The following GRM1 variants were observed in gnomAD, a reference collection of about 807,000 sequenced individuals.
GRM1 encodes metabotropic glutamate receptor 1.
In GRM1, 33 loss-of-function variants were observed where a neutral mutation model predicts 90.9. The observed-to-expected ratio is 0.36, with a 90% CI of 0.28 to 0.49. The LOEUF is 0.49. GRM1 is among the 20% of genes least tolerant of loss of function. GRM1 has a pLI of 0.99. For missense variants in GRM1, 1,190 were observed against 1,534.3 expected (o/e 0.78, Z 3.75); for synonymous variants, 700 against 613.2 (o/e 1.14, Z -2.09).
At chr6:146,080,592 C>T (rs1477548210) in intron 1 of GRM1, among the ~76,000 whole-genome samples, 4 of 152,078 alleles carry the variant, frequency 2.6e-5, no homozygotes, top group Admixed American at 2.6e-4. Context: ...ACCCTAGTTC[C>T]CTGGTCAGAG....
intron 1 of GRM1, among the ~76,000 whole-genome samples, chr6:146,037,814 A>G (rs1790946062): frequency 6.6e-6 from 1 of 152,006 alleles, no homozygotes; most frequent in Non-Finnish European, 1.5e-5. Context: ...TTTTATTTAT[A>G]AATTTTTAAA....
chr6:146,386,423 C>T (rs957217283), intron 5 of GRM1, among the ~76,000 whole-genome samples: 1 of 151,968 alleles, frequency 6.6e-6, no homozygotes, highest in African/African-American at 2.4e-5. Context: ...GTGAAATTGT[C>T]TAATAATTCA....
In GRM1 at chr6:146,434,277, A is replaced by C. The variant is rs1583495579; in HGVS notation, c.3066A>C (p.Gln1022His). 1.3e-6 allele frequency: 2 copies of C among 1,599,918 alleles called. No individual in the cohort carries two copies. Among genetic ancestry groups the C allele is most frequent in the Non-Finnish European group, 1.7e-6 (2 of 1,171,214 alleles). Residue 1022 changes from glutamine to histidine, a missense_variant, in exon 8 of 8, where the codon CAA becomes CAC. Physicochemically the swap from Gln to His is conservative, Grantham distance 24. Coordinates refer to ENST00000282753, the MANE Select transcript of GRM1 (RefSeq NM_001278064.2). ...CCCCTCCTCTCCAGCAGCAGCAGCAACCCCCTCCACAGCAGAAATCGCTGA... is the reference window on the plus strand; with the variant it reads ...CCCCTCCTCTCCAGCAGCAGCAGCACCCCCCTCCACAGCAGAAATCGCTGA... ...GLPPPLQQQQ[Q>H]PPPQQKSLMD...
chr6:146,379,859 C>G (rs1776252900), intron 5 of GRM1, among the ~76,000 whole-genome samples: 1 of 151,944 alleles, frequency 6.6e-6, no homozygotes, highest in South Asian at 2.1e-4. Context: ...TGGACAAGAT[C>G]CAGGACAAGT....
chr6:146,161,474 C>T lies in GRM1; in HGVS notation c.950+1877C>T, dbSNP rs73571292. On this transcript the variant is annotated intron_variant, in intron 2 of 7. Transcript: ENST00000282753. The stretch of plus-strand genomic sequence containing the variant: ...AACTCATACAAGTATTTCTGAGAGT[C>T]GCACATGTGTTTGTTTATGTGCTTG... Among the ~76,000 whole-genome samples the T allele has an allele frequency of 9.9e-3, 1,511 of 152,158 alleles. 21 individuals are homozygous for T. The highest frequency in any genetic ancestry group is 0.034 in the African/African-American group (1,431 of 41,492).
intron 7 of GRM1, among the ~76,000 whole-genome samples, chr6:146,431,917 G>T (rs1778426200): frequency 6.6e-6 from 1 of 152,148 alleles, no homozygotes; most frequent in South Asian, 2.1e-4. Flanking sequence ...AAGATTAAGT[G>T]GAAGATGAGT....
intron 1 of GRM1, among the ~76,000 whole-genome samples, chr6:146,049,311 A>G (rs1791440643): frequency 6.6e-6 from 1 of 152,010 alleles, no homozygotes; most frequent in Non-Finnish European, 1.5e-5. Context: ...ATTTGAATCA[A>G]TGGGTTGAGC....
At chr6:146,410,615 C>A (rs548213822) in intron 7 of GRM1, among the ~76,000 whole-genome samples, 20 of 152,060 alleles carry the variant, frequency 1.3e-4, no homozygotes, top group African/African-American at 4.3e-4. Context: ...TAGTAAAGGC[C>A]TTGGAGGTAG....
At chr6:146,195,084 C>T (rs1779070237) in intron 2 of GRM1, among the ~76,000 whole-genome samples, 1 of 152,076 alleles carries the variant, frequency 6.6e-6, no homozygotes, top group Non-Finnish European at 1.5e-5. Flanking sequence ...TATTTCCATT[C>T]CAGTGACATG....
rs547976685 is a variant in GRM1 at position 146,269,200 on chromosome 6, T to C, written c.951-35411T>C. 9.8e-5 allele frequency among the ~76,000 whole-genome samples: 15 copies of C among 152,314 alleles called. No homozygotes were observed. In the South Asian group the frequency reaches 2.9e-3, roughly 29 times the overall value. On this transcript the variant is annotated intron_variant, in intron 2 of 7. Coordinates refer to ENST00000282753, the MANE Select transcript of GRM1 (RefSeq NM_001278064.2). ...TTAAGTAAATGATAGCATTATAATTTTATCAATTGACCTATAAAATAAGTA... is the reference window on the plus strand; with the variant it reads ...TTAAGTAAATGATAGCATTATAATTCTATCAATTGACCTATAAAATAAGTA...
intron 7 of GRM1, among the ~76,000 whole-genome samples, chr6:146,413,821 G>C (rs1422273055): frequency 2.0e-5 from 3 of 152,088 alleles, no homozygotes; most frequent in Non-Finnish European, 4.4e-5. Context: ...GAAATCATAA[G>C]GTAGATATTA....
intron 1 of GRM1, among the ~76,000 whole-genome samples, chr6:146,062,622 T>G (rs76153439): frequency 6.6e-6 from 1 of 152,110 alleles, no homozygotes; most frequent in African/African-American, 2.4e-5. Context: ...TGCATATATC[T>G]TTTAAATTTT....
intron 1 of GRM1, among the ~76,000 whole-genome samples, chr6:146,033,548 A>C (rs1790779829): frequency 6.6e-6 from 1 of 151,976 alleles, no homozygotes; most frequent in African/African-American, 2.4e-5. Flanking sequence ...GTATTTATTT[A>C]TTTATCTTAA....
intron 7 of GRM1, among the ~76,000 whole-genome samples, chr6:146,404,420 A>G (rs1014175447): frequency 2.0e-5 from 3 of 152,152 alleles, no homozygotes; most frequent in Admixed American, 6.5e-5. Context: ...GTACTGTGCT[A>G]TGTGCCATAG....
chr6:146,101,568 A>G (rs539205169), intron 1 of GRM1, among the ~76,000 whole-genome samples: 36 of 152,186 alleles, frequency 2.4e-4, no homozygotes, highest in Non-Finnish European at 7.4e-5. Context: ...ACCTGCTGCG[A>G]TTTGATTGCT....
intron 3 of GRM1, among the ~76,000 whole-genome samples, chr6:146,348,811 T>C (rs1785272333): frequency 6.6e-6 from 1 of 152,166 alleles, no homozygotes; most frequent in Non-Finnish European, 1.5e-5. Flanking sequence ...CACTGAAGGA[T>C]GCCCTGTCCT....
chr6:146,389,136 T>C (rs1184952073), intron 6 of GRM1, among the ~76,000 whole-genome samples: 1 of 152,038 alleles, frequency 6.6e-6, no homozygotes, highest in East Asian at 1.9e-4. Context: ...TCCGCTTAGA[T>C]GGCCATTGTG....
chr6:146,257,754 T>C (rs913672777), intron 2 of GRM1, among the ~76,000 whole-genome samples: 8 of 152,060 alleles, frequency 5.3e-5, no homozygotes, highest in Non-Finnish European at 1.5e-5. Context: ...TTTCATCTTT[T>C]TTTTTGATTC....
At chr6:146,034,958 AG>A (rs1790836250) in intron 1 of GRM1, among the ~76,000 whole-genome samples, 1 of 151,994 alleles carries the variant, frequency 6.6e-6, no homozygotes. Flanking sequence ...ATACATGTAA[AG>A]TAAGTAAAAG....
Sources: allele counts gnomAD v4.1 joint callset (sites outside exome capture counted in the v4.1 genomes callset), GRCh38; gene constraint gnomAD v4.1.1; transcripts MANE v1.5; gene names NCBI Gene and HGNC (gene_info 2026-07-23, HGNC 2026-07-21).